The following SLC7A14 variants were observed in gnomAD, a reference collection of about 807,000 sequenced individuals.
SLC7A14 encodes the protein gamma-aminobutyric acid transporter SLC7A14.
SLC7A14 carries 37 observed loss-of-function variants against 60.2 expected under a neutral mutation model. That is an observed-to-expected ratio of 0.61 (90% CI 0.47 to 0.81). SLC7A14 has a LOEUF of 0.81. Among genes scored for constraint, SLC7A14 ranks in the 30% least tolerant of loss-of-function variants. The pLI, the probability that SLC7A14 is intolerant of heterozygous loss-of-function variation, is 0.00. For missense variants in SLC7A14, 886 were observed against 982.7 expected (o/e 0.90, Z 1.32); for synonymous variants, 399 against 395.8 (o/e 1.01, Z -0.10).
chr3:170,566,121 G>T (rs976886808), intron 1 of SLC7A14, among the ~76,000 whole-genome samples: 3 of 152,192 alleles, frequency 2.0e-5, no homozygotes, highest in Non-Finnish European at 4.4e-5. Flanking sequence ...TGTGTGAGGT[G>T]AGGCTAACAC....
chr3:170,486,181 G>A, intron 5 of SLC7A14, 41 bp downstream of exon 5: 1 of 1,609,472 alleles, frequency 6.2e-7, no homozygotes, highest in East Asian at 2.2e-5. Flanking sequence ...CAGTGCCAGG[G>A]CCACATCGTG....
chr3:170,526,650 A>G lies in SLC7A14; in HGVS notation c.287T>C (p.Val96Ala). ...ACACTTACCTGATAATATGGATGCG[A>G]CGGCTGCAATGATGAAGGACACAAT... ...GVIVSFIIAA[V>A]ASILSGVCYA... Residue 96 changes from valine to alanine, a missense_variant, in exon 2 of 8, where the codon GTC becomes GCC. Physicochemically the swap from Val to Ala is moderately conservative, Grantham distance 64 (BLOSUM62 0). Coordinates refer to ENST00000231706, the MANE Select transcript of SLC7A14 (RefSeq NM_020949.3). 6.2e-7 allele frequency: 1 copy of G among 1,614,134 alleles called. No individual in the cohort carries two copies. Among genetic ancestry groups the G allele is most frequent in the African/African-American group, 1.3e-5 (1 of 75,060 alleles).
intron 2 of SLC7A14, among the ~76,000 whole-genome samples, chr3:170,507,514 C>G (rs950084139): frequency 6.6e-6 from 1 of 151,994 alleles, no homozygotes; most frequent in Non-Finnish European, 1.5e-5. Context: ...GGAGGGTAAG[C>G]TGGGCTTTGC....
intron 1 of SLC7A14, among the ~76,000 whole-genome samples, chr3:170,527,833 T>A (rs894937910): frequency 6.6e-6 from 1 of 152,232 alleles, no homozygotes; most frequent in African/African-American, 2.4e-5. Context: ...GATGATGATC[T>A]GAGCCTGTCA....
chr3:170,542,976 G>A (rs1371258503), intron 1 of SLC7A14, among the ~76,000 whole-genome samples: 1 of 152,134 alleles, frequency 6.6e-6, no homozygotes, highest in Non-Finnish European at 1.5e-5. Context: ...TGATCTAGAA[G>A]GGGAAAGAGG....
chr3:170,522,844 GA>G (rs1446296606), intron 2 of SLC7A14, among the ~76,000 whole-genome samples: 1 of 152,008 alleles, frequency 6.6e-6, no homozygotes, highest in Non-Finnish European at 1.5e-5. Flanking sequence ...CATTATTACA[GA>G]AAAAAAATTC....
At chr3:170,497,191 T>A (rs1232063878) in intron 4 of SLC7A14, among the ~76,000 whole-genome samples, 1 of 152,042 alleles carries the variant, frequency 6.6e-6, no homozygotes, top group Non-Finnish European at 1.5e-5. Context: ...TTGTTGTTTC[T>A]CTTATATGAT....
At chr3:170,536,468 C>T (rs768363824) in intron 1 of SLC7A14, among the ~76,000 whole-genome samples, 3 of 152,190 alleles carry the variant, frequency 2.0e-5, no homozygotes, top group African/African-American at 2.4e-5. Flanking sequence ...CCAAACCTTC[C>T]AGTTACTTGG....
chr3:170,568,127 T>A (rs1714844889), intron 1 of SLC7A14, among the ~76,000 whole-genome samples: 1 of 152,172 alleles, frequency 6.6e-6, no homozygotes, highest in Non-Finnish European at 1.5e-5. Flanking sequence ...TCTTTTAGGG[T>A]TTTTATGGTT....
intron 1 of SLC7A14, among the ~76,000 whole-genome samples, chr3:170,578,624 G>C (rs1715160522): frequency 6.6e-6 from 1 of 152,152 alleles, no homozygotes; most frequent in African/African-American, 2.4e-5. Flanking sequence ...CATAGTAATT[G>C]TATATAAGTA....
chr3:170,476,803 A>G (rs183770137), intron 7 of SLC7A14: 1 of 152,334 alleles, frequency 6.6e-6, no homozygotes, highest in East Asian at 1.9e-4. Context: ...AAGTTAAGTA[A>G]ATTTCCCAAA....
chr3:170,534,782 T>TA (rs775243231), intron 1 of SLC7A14, among the ~76,000 whole-genome samples: 28 of 152,202 alleles, frequency 1.8e-4, no homozygotes, highest in Non-Finnish European at 3.7e-4. Context: ...AATAATTCTT[T>TA]AAAAAAAACT....
At chr3:170,570,608 C>G (rs1026350953) in intron 1 of SLC7A14, among the ~76,000 whole-genome samples, 5 of 151,894 alleles carry the variant, frequency 3.3e-5, no homozygotes, top group Admixed American at 3.3e-4. Flanking sequence ...AAATTGGAAA[C>G]AAATGGAATG....
intron 2 of SLC7A14, among the ~76,000 whole-genome samples, chr3:170,515,220 G>A (rs1170664036): frequency 6.6e-6 from 1 of 151,888 alleles, no homozygotes; most frequent in Non-Finnish European, 1.5e-5. Context: ...GGCTGAGGCA[G>A]GAGAATCACT....
At chr3:170,540,811 T>G (rs1476133165) in intron 1 of SLC7A14, among the ~76,000 whole-genome samples, 1 of 152,260 alleles carries the variant, frequency 6.6e-6, no homozygotes, top group African/African-American at 2.4e-5. Flanking sequence ...ATTCAACTGA[T>G]TAGTGCTTGC....
rs1739556461 is a variant in SLC7A14, at chr3:170,459,768, T to C, written c.*7287A>G. 6.6e-6 allele frequency: 1 copy of C among 152,158 alleles called. No individual in the cohort carries two copies. Among genetic ancestry groups the C allele is most frequent in the African/African-American group, 2.4e-5 (1 of 41,428 alleles). 9.4% of individuals were successfully genotyped at this position (152,158 alleles called of 1,614,324 possible). On this transcript the variant is annotated 3_prime_UTR_variant, in exon 8 of 8. Transcript: ENST00000231706. Reference sequence around the variant, plus strand: ...CAGATACTGGTTAAGGTTAACAAAATATGGGAAGGCTCCTTTTTCTTTTCT... The same window carrying C: ...CAGATACTGGTTAAGGTTAACAAAACATGGGAAGGCTCCTTTTTCTTTTCT...
intron 1 of SLC7A14, among the ~76,000 whole-genome samples, chr3:170,549,481 T>A (rs1386803463): frequency 6.6e-6 from 1 of 152,214 alleles, no homozygotes; most frequent in Non-Finnish European, 1.5e-5. Flanking sequence ...CCCAAAGTGC[T>A]GGGATTACAG....
chr3:170,488,278 A>G (rs1190952980), intron 4 of SLC7A14, among the ~76,000 whole-genome samples: 1 of 152,180 alleles, frequency 6.6e-6, no homozygotes, highest in East Asian at 1.9e-4. Context: ...CTAAAATACA[A>G]GCAGTTCCAT....
At chr3:170,509,925 A>G (rs1194108122) in intron 2 of SLC7A14, among the ~76,000 whole-genome samples, 2 of 151,784 alleles carry the variant, frequency 1.3e-5, no homozygotes, top group African/African-American at 4.8e-5. Flanking sequence ...TTAAAAATAC[A>G]AAATTAGCTG....
Sources: gnomAD v4.1 joint callset for allele counts (sites outside exome capture counted in the v4.1 genomes callset) on GRCh38, gnomAD v4.1.1 for gene constraint, MANE v1.5 for transcripts, NCBI Gene and HGNC (gene_info 2026-07-23, HGNC 2026-07-21) for gene names.